Variants in KDM4C observed in about 807,000 individuals in gnomAD.
KDM4C encodes lysine demethylase 4C, also known as lysine-specific demethylase 4C.
A neutral mutation model predicts 129.3 loss-of-function variants in KDM4C; 81 were observed. The ratio of observed to expected loss-of-function variants is 0.63; its 90% confidence interval spans 0.52 to 0.75. The LOEUF is 0.75. KDM4C is among the 30% of genes least tolerant of loss of function. The pLI is 0.00. For synonymous variants in KDM4C, 573 were observed against 456.1 expected (o/e 1.26, Z -3.26); for missense variants, 1,457 against 1,304.0 (o/e 1.12, Z -1.81).
At chr9:6,919,031 T>A (rs1174407806) in intron 8 of KDM4C, among the ~76,000 whole-genome samples, 1 of 152,164 alleles carries the variant, frequency 6.6e-6, no homozygotes, top group Non-Finnish European at 1.5e-5. Context: ...TTTGTAGTTT[T>A]TAGTAGAGAT....
In KDM4C at chr9:7,046,847, T is replaced by C. The variant is rs762384736; in HGVS notation, c.2260-15T>C. 41 of 1,596,942 alleles carry C rather than the reference T, an allele frequency of 2.6e-5. No individual in the cohort carries two copies. The highest frequency in any genetic ancestry group is 3.3e-4 in the Middle Eastern group (2 of 6,038). ...GTGGGTCTGGTCATCATGTGGTATT[T>C]TCTTTTCCCCCCAGGAATGCTGTCT... On this transcript the variant is annotated splice_polypyrimidine_tract_variant and intron_variant, in intron 15 of 21. Coordinates refer to ENST00000381309, the MANE Select transcript of KDM4C (RefSeq NM_015061.6).
At chr9:6,843,087 G>C (rs1171523548) in intron 4 of KDM4C, among the ~76,000 whole-genome samples, 1 of 152,138 alleles carries the variant, frequency 6.6e-6, no homozygotes, top group Non-Finnish European at 1.5e-5. Flanking sequence ...GTGCCACCAT[G>C]CCTGGCTAAT....
chr9:6,808,476 A>G (rs1234931810), intron 3 of KDM4C, among the ~76,000 whole-genome samples: 2 of 138,392 alleles, frequency 1.4e-5, no homozygotes, highest in Non-Finnish European at 3.0e-5. Context: ...GTGCTTTGTT[A>G]AACAGATGCT....
Position 6,746,263 on chromosome 9 carries a change from T to TATATA in KDM4C, c.49+25266_49+25267insATATA, listed in dbSNP as rs1491312956. On this transcript the variant is annotated intron_variant, in intron 1 of 17. Transcript: ENST00000536108. ...GCCAGCCATTATATATATATATATG[T>TATATA]TTTTTTTTTTTTTTTTTTTTTTGGA... Among the ~76,000 whole-genome samples, 435 of 51,110 alleles carry TATATA rather than the reference T, an allele frequency of 8.5e-3. 2 individuals carry two copies. Among genetic ancestry groups the TATATA allele is most frequent in the African/African-American group, 0.031 (411 of 13,444 alleles). 33.5% of individuals were successfully genotyped at this position (51,110 alleles called of 152,430 possible).
At chr9:7,082,755 A>G (rs938627152) in intron 17 of KDM4C, among the ~76,000 whole-genome samples, 1 of 152,222 alleles carries the variant, frequency 6.6e-6, no homozygotes, top group Non-Finnish European at 1.5e-5. Context: ...GGAATAAACA[A>G]TGAAGCAGAC....
chr9:7,162,749 G>C (rs893868907), intron 19 of KDM4C, among the ~76,000 whole-genome samples: 2 of 152,086 alleles, frequency 1.3e-5, no homozygotes. Context: ...TGATAAAGAA[G>C]GGGAGGCCGT....
chr9:7,086,156 T>C (rs1835092584), intron 17 of KDM4C, among the ~76,000 whole-genome samples: 1 of 152,002 alleles, frequency 6.6e-6, no homozygotes, highest in African/African-American at 2.4e-5. Context: ...AGACCCCGTC[T>C]CAAAAAAAAC....
intron 18 of KDM4C, 54 bp downstream of exon 18, chr9:7,103,924 G>A: frequency 6.7e-7 from 1 of 1,488,012 alleles, no homozygotes; most frequent in South Asian, 1.2e-5. Context: ...ATTTTCTCCT[G>A]TTTTAGACTA....
intron 2 of KDM4C, among the ~76,000 whole-genome samples, chr9:6,795,055 A>G (rs548689601): frequency 2.0e-4 from 31 of 152,340 alleles, no homozygotes; most frequent in African/African-American, 5.5e-4. Flanking sequence ...AGACTTGTCA[A>G]TATCACTGCA....
intron 8 of KDM4C, among the ~76,000 whole-genome samples, chr9:6,901,587 C>T (rs921934161): frequency 6.6e-6 from 1 of 152,152 alleles, no homozygotes; most frequent in Admixed American, 6.5e-5. Flanking sequence ...GAAAATCTTT[C>T]CTTGAAACAC....
intron 8 of KDM4C, among the ~76,000 whole-genome samples, chr9:6,928,810 T>C (rs1395297329): frequency 1.3e-5 from 2 of 152,228 alleles, no homozygotes; most frequent in African/African-American, 4.8e-5. Flanking sequence ...TCCTCTTTAG[T>C]GTCAGATTAT....
At chr9:6,761,516 T>TTGTG in intron 1 of KDM4C, among the ~76,000 whole-genome samples, 1 of 151,930 alleles carries the variant, frequency 6.6e-6, no homozygotes, top group East Asian at 2.0e-4. Context: ...TTTGTGGTCT[T>TTGTG]GCCATGGTAC....
chr9:7,055,944 T>C (rs1753137098), intron 17 of KDM4C, among the ~76,000 whole-genome samples: 1 of 152,222 alleles, frequency 6.6e-6, no homozygotes, highest in Non-Finnish European at 1.5e-5. Flanking sequence ...GACATATTGA[T>C]TATCTTTCAT....
intron 15 of KDM4C, 54 bp downstream of exon 15, chr9:7,015,983 G>A: frequency 7.8e-7 from 1 of 1,282,466 alleles, no homozygotes; most frequent in Non-Finnish European, 1.1e-6. Flanking sequence ...TACCCACTGT[G>A]GACACATTTA....
At chr9:7,011,445 T>A (rs1822672825) in intron 12 of KDM4C, among the ~76,000 whole-genome samples, 1 of 152,068 alleles carries the variant, frequency 6.6e-6, no homozygotes, top group Admixed American at 6.6e-5. Context: ...TTATTTCTGG[T>A]AGGGATAGGG....
chr9:7,007,063 G>T (rs7025832), intron 12 of KDM4C, among the ~76,000 whole-genome samples: 1 of 152,036 alleles, frequency 6.6e-6, no homozygotes, highest in African/African-American at 2.4e-5. Context: ...GTTAGTATCT[G>T]GTTTCCCCAT....
At chr9:6,842,312 CTTTTTTTTTTT>C (rs759138371) in intron 4 of KDM4C, among the ~76,000 whole-genome samples, 5 of 97,876 alleles carry the variant, frequency 5.1e-5, no homozygotes, top group African/African-American at 8.3e-5. Context: ...ATCCACATTT[CTTTTTTTTTTT>C]TTTTTTTTTT....
At chr9:6,974,202 C>T (rs547884004) in intron 8 of KDM4C, among the ~76,000 whole-genome samples, 42 of 152,250 alleles carry the variant, frequency 2.8e-4, no homozygotes, top group South Asian at 1.7e-3. Context: ...GTTCAGGATG[C>T]GTTCTAATTG....
chr9:6,811,781 A>G (rs566227836), intron 3 of KDM4C, among the ~76,000 whole-genome samples: 2 of 152,232 alleles, frequency 1.3e-5, no homozygotes, highest in African/African-American at 4.8e-5. Flanking sequence ...TATGAATGGA[A>G]GCCTGAGTTT....
Sources: allele counts gnomAD v4.1 joint callset (sites outside exome capture counted in the v4.1 genomes callset), GRCh38; gene constraint gnomAD v4.1.1; transcripts MANE v1.5; gene names NCBI Gene and HGNC (gene_info 2026-07-23, HGNC 2026-07-21).